The following ASCC2 variants were observed in gnomAD, a reference collection of about 807,000 sequenced individuals.
The protein encoded by ASCC2 is activating signal cointegrator 1 complex subunit 2.
In ASCC2, 42 loss-of-function variants were observed where a neutral mutation model predicts 93.5. The ratio of observed to expected loss-of-function variants is 0.45; its 90% CI spans 0.35 to 0.58. ASCC2 has a LOEUF of 0.58. ASCC2 is among the 20% of genes least tolerant of loss of function. ASCC2 has a pLI of 0.00. For missense variants in ASCC2, 859 were observed against 977.6 expected, an observed-to-expected ratio of 0.88 and a Z score of 1.62; for synonymous variants, 364 against 384.2, an observed-to-expected ratio of 0.95 and a Z score of 0.62.
In ASCC2 at chr22:29,793,623, G is replaced by A. The variant is rs34564532; in HGVS notation, c.1742C>T (p.Ala581Val). ...RSLLNDKRAV[A>V]AQRQRYEQYS... ...CTGCTCGTAGCGCTGCCGCTGTGCC[G>A]CCACTGCACGCTTGTCGTTCAGCAA... Residue 581 changes from alanine (A) to valine (V), a missense_variant, in exon 16 of 20, where the codon GCG becomes GTG. By Grantham distance (64) the Ala-to-Val change is moderately conservative. Coordinates refer to ENST00000307790, the MANE Select transcript of ASCC2 (RefSeq NM_032204.5). 31 of 1,604,252 alleles carry A rather than the reference G, an allele frequency of 1.9e-5. No individual in the cohort carries two copies. The highest frequency in any genetic ancestry group is 2.7e-5 in the African/African-American group (2 of 74,670).
At chr22:29,821,949 T>C (rs1453132790) in intron 5 of ASCC2, 2 of 450,984 alleles carry the variant, frequency 4.4e-6, no homozygotes, top group East Asian at 7.0e-5. Flanking sequence ...CAGTGAAATA[T>C]GATTGCGCCA....
chr22:29,822,428 G>C lies in ASCC2; in HGVS notation c.448C>G (p.Leu150Val). Reference protein sequence around the residue: ...FISPSAFGEILYNNFLFDIPK... With the variant: ...FISPSAFGEIVYNNFLFDIPK... ...ATGTCAAAGAGGAAGTTATTGTAGA[G>C]GATTTCTCCAAACGCAGAAGGGGAA... The change falls in exon 5 of 20, where the codon CTC becomes GTC. Residue 150 changes from leucine to valine, a missense_variant. Coordinates refer to ENST00000307790, the MANE Select transcript of ASCC2 (RefSeq NM_032204.5). 1 of 1,613,932 alleles carries C rather than the reference G, an allele frequency of 6.2e-7. No individual in the cohort carries two copies. Among genetic ancestry groups the C allele is most frequent in the Non-Finnish European group, 8.5e-7 (1 of 1,179,940 alleles).
intron 1 of ASCC2, among the ~76,000 whole-genome samples, chr22:29,837,373 C>T (rs1372526307): frequency 6.6e-6 from 1 of 152,124 alleles, no homozygotes; most frequent in Non-Finnish European, 1.5e-5. Context: ...GCGGAGGTTG[C>T]AGTGGGACGA....
intron 12 of ASCC2, 128 bp from the exon 13 acceptor site, chr22:29,804,958 T>G: frequency 3.1e-6 from 3 of 969,992 alleles, no homozygotes; most frequent in Non-Finnish European, 4.7e-6. Context: ...CTAAGTGGTA[T>G]AGCCCACGGG....
intron 2 of ASCC2, among the ~76,000 whole-genome samples, chr22:29,831,886 C>T (rs967012271): frequency 1.3e-5 from 2 of 152,182 alleles, no homozygotes; most frequent in Non-Finnish European, 2.9e-5. Context: ...GCTCTGAAAA[C>T]GCTACCTGAA....
intron 9 of ASCC2, among the ~76,000 whole-genome samples, chr22:29,807,134 G>A (rs1223789610): frequency 6.6e-6 from 1 of 151,408 alleles, no homozygotes; most frequent in Non-Finnish European, 1.5e-5. Flanking sequence ...CCAGCTCCTG[G>A]GGAGGCTAAG....
intron 4 of ASCC2, among the ~76,000 whole-genome samples, chr22:29,824,737 A>G (rs1008759927): frequency 1.3e-5 from 2 of 148,762 alleles, no homozygotes; most frequent in Admixed American, 1.3e-4. Flanking sequence ...TTATTTTTAA[A>G]GTCAGGAAAA....
At position 29,802,002 on chromosome 22, in the gene ASCC2, G is replaced by A. The variant is rs777809725; in HGVS notation, c.1560C>T (p.Asn520=). 1 of 1,592,420 alleles carries A rather than the reference G, an allele frequency of 6.3e-7. No individual in the cohort carries two copies. Among genetic ancestry groups the A allele is most frequent in the East Asian group, 2.3e-5 (1 of 43,952 alleles). The change falls in exon 14 of 20, where the codon AAC becomes AAT. Residue 520 remains asparagine (N), a synonymous_variant. Transcript: ENST00000307790. ...LAPTLSQLDR[N]LDREMKPDPT... ...CCACCTGTCTCTCCCACCTGTCTAGGTTGCGGTCCAGCTGGCTGAGGGTGG... is the reference window on the plus strand; with the variant it reads ...CCACCTGTCTCTCCCACCTGTCTAGATTGCGGTCCAGCTGGCTGAGGGTGG...
chr22:29,835,003 CAG>C (rs2063600615), intron 1 of ASCC2, among the ~76,000 whole-genome samples: 2 of 152,084 alleles, frequency 1.3e-5, no homozygotes, highest in African/African-American at 4.8e-5. Flanking sequence ...GTGTGAGACA[CAG>C]GGTGGAGAAA....
At position 29,825,844 on chromosome 22, in the gene ASCC2, C is replaced by A; in HGVS notation, c.82-64G>T. Reference sequence around the variant, plus strand: ...TAGTCAGCGAGGGCCCATTTGCCAACCCACAGCAATGACAACACTTGGCTG... The same window carrying A: ...TAGTCAGCGAGGGCCCATTTGCCAAACCACAGCAATGACAACACTTGGCTG... On this transcript the variant is annotated intron_variant, in intron 2 of 19. Transcript: ENST00000307790. This position sits in a 1 kb window ranked among gnomAD's most constrained non-coding sequence, Gnocchi z 4.9. 1 of 1,537,278 alleles carries A rather than the reference C, an allele frequency of 6.5e-7. No individual in the cohort carries two copies. The highest frequency in any genetic ancestry group is 8.8e-7 in the Non-Finnish European group (1 of 1,137,834).
At chr22:29,810,572 G>A (rs1204818006) in intron 8 of ASCC2, among the ~76,000 whole-genome samples, 1 of 152,140 alleles carries the variant, frequency 6.6e-6, no homozygotes, top group Admixed American at 6.5e-5. Context: ...TGTTGCTGGT[G>A]GGAGAGTAAA....
chr22:29,820,139 T>C (rs1338301841), intron 5 of ASCC2, among the ~76,000 whole-genome samples: 1 of 151,930 alleles, frequency 6.6e-6, no homozygotes, highest in Non-Finnish European at 1.5e-5. Flanking sequence ...ATTATTTCAG[T>C]GAAAATGTTG....
chr22:29,817,944 T>C (rs753800406), intron 5 of ASCC2, among the ~76,000 whole-genome samples: 17 of 152,114 alleles, frequency 1.1e-4, no homozygotes, highest in South Asian at 4.1e-4. Flanking sequence ...GCCCAAGTCA[T>C]TCCTGGTTTG....
chr22:29,805,346 G>A (rs1657446368), intron 12 of ASCC2, among the ~76,000 whole-genome samples: 1 of 152,096 alleles, frequency 6.6e-6, no homozygotes, highest in Admixed American at 6.5e-5. Flanking sequence ...CCAGAAATCT[G>A]AGAGTCCCCT....
chr22:29,792,445 C>A lies in ASCC2; in HGVS notation c.2010G>T (p.Glu670Asp), dbSNP rs1298301879. 1 of 1,613,984 alleles carries A rather than the reference C, an allele frequency of 6.2e-7. No homozygotes were observed. The highest frequency in any genetic ancestry group is 1.3e-5 in the African/African-American group (1 of 75,034). Residue 670 changes from glutamate to aspartate, a missense_variant, in exon 18 of 20, where the codon GAG becomes GAT. Coordinates refer to ENST00000307790, the MANE Select transcript of ASCC2 (RefSeq NM_032204.5). Reference protein sequence around the residue: ...DDDDEEDDADEEAPKPDHFVQ... With the variant: ...DDDDEEDDADDEAPKPDHFVQ... ...GCCAGGGAGGTACCTTGGGAGCCTC[C>A]TCGTCAGCATCGTCTTCCTCATCGT...
chr22:29,793,514 T>C lies in ASCC2; in HGVS notation c.1789-24A>G, dbSNP rs529377081. 2.2e-4 allele frequency: 354 copies of C among 1,614,072 alleles called. 1 individual carries two copies. In the South Asian group the frequency reaches 3.6e-3, roughly 17 times the overall value. ...ACCTGCAATGGCATAAGCATGGGTC[T>C]GGGGGGCTCAGGGGCTGGCCTGGTT... is the stretch of plus-strand genomic sequence containing the variant. On this transcript the variant is annotated intron_variant, in intron 16 of 19. Coordinates refer to ENST00000307790, the MANE Select transcript of ASCC2 (RefSeq NM_032204.5).
chr22:29,816,277 G>A (rs1409139699), intron 5 of ASCC2, among the ~76,000 whole-genome samples: 1 of 152,144 alleles, frequency 6.6e-6, no homozygotes, highest in Non-Finnish European at 1.5e-5. Flanking sequence ...CCCCAGGGTG[G>A]GGGAGGGACC....
At chr22:29,792,752 C>T (rs2240365) in intron 17 of ASCC2, among the ~76,000 whole-genome samples, 21,263 of 152,042 alleles carry the variant, frequency 0.14, 2,554 homozygotes, top group African/African-American at 0.33. Flanking sequence ...GAAATGGGGC[C>T]GGGAGAGTCT....
chr22:29,825,001 C>G lies in ASCC2; in HGVS notation c.411+86G>C. Reference sequence around the variant, plus strand: ...GAGACAAAGAGGAAACTCAATGCTTCCAGAGCCTTCCTTCCCAGGGGTGGA... The same window carrying G: ...GAGACAAAGAGGAAACTCAATGCTTGCAGAGCCTTCCTTCCCAGGGGTGGA... On this transcript the variant is annotated intron_variant, in intron 4 of 19. Transcript: ENST00000307790. The surrounding 1 kb of genome is among the most constrained non-coding windows in gnomAD (Gnocchi z 4.9). 1 of 1,229,032 alleles carries G rather than the reference C, an allele frequency of 8.1e-7. No homozygotes were observed. The highest frequency in any genetic ancestry group is 1.1e-6 in the Non-Finnish European group (1 of 928,442). The allele number at this position is 1,229,032 out of a possible 1,614,324, so 76.1% of individuals were successfully genotyped here. A position where few individuals can be genotyped will look rare whatever the true frequency, so the allele number is the denominator to read the frequency against.
Sources: gnomAD v4.1 joint callset for allele counts (sites outside exome capture counted in the v4.1 genomes callset) on GRCh38, gnomAD v4.1.1 for gene constraint, Gnocchi (gnomAD v3.1) non-coding constraint, MANE v1.5 for transcripts, NCBI Gene and HGNC (gene_info 2026-07-23, HGNC 2026-07-21) for gene names.